POU6F2: variants seen among roughly 807,000 people sequenced by gnomAD.
POU6F2 encodes POU class 6 homeobox 2, also known as POU domain, class 6, transcription factor 2.
A neutral mutation model predicts 71.3 loss-of-function variants in POU6F2; 31 were observed. That is an observed-to-expected ratio of 0.43 (90% confidence interval 0.33 to 0.59). The LOEUF (loss-of-function observed/expected upper bound fraction) is 0.59, where lower values mean the gene tolerates loss of function less well. Ranked by LOEUF, POU6F2 falls within the 20% of genes least tolerant of loss-of-function variation. The pLI, the probability that POU6F2 is intolerant of heterozygous loss-of-function variation, is 0.04. For synonymous variants in POU6F2, 347 were observed against 355.7 expected (o/e 0.98, Z 0.27); for missense variants, 783 against 856.8 (o/e 0.91, Z 1.07).
At chr7:39,315,241 C>A (rs1449218230) in intron 4 of POU6F2, among the ~76,000 whole-genome samples, 1 of 152,154 alleles carries the variant, frequency 6.6e-6, no homozygotes, top group Non-Finnish European at 1.5e-5. Flanking sequence ...TTTTAAACAT[C>A]TCCTTAACAT....
intron 7 of POU6F2, among the ~76,000 whole-genome samples, chr7:39,447,406 A>G (rs2299125): frequency 1.3e-5 from 2 of 152,062 alleles, no homozygotes; most frequent in East Asian, 3.9e-4. Flanking sequence ...TGGAGTTGAG[A>G]GGCAGCGGGG....
At chr7:39,047,729 G>C (rs1274951802) in intron 1 of POU6F2, among the ~76,000 whole-genome samples, 1 of 151,824 alleles carries the variant, frequency 6.6e-6, no homozygotes, top group East Asian at 1.9e-4. Context: ...AATTCTGTTT[G>C]ATTCCATTTA....
At chr7:39,302,721 C>T (rs1431059548) in intron 4 of POU6F2, among the ~76,000 whole-genome samples, 1 of 152,198 alleles carries the variant, frequency 6.6e-6, no homozygotes, top group Non-Finnish European at 1.5e-5. Flanking sequence ...AAGCAATATG[C>T]GTAACCACAT....
At chr7:39,087,289 T>C (rs900895580) in intron 2 of POU6F2, among the ~76,000 whole-genome samples, 1 of 151,918 alleles carries the variant, frequency 6.6e-6, no homozygotes, top group Non-Finnish European at 1.5e-5. Context: ...TTTAAATGCT[T>C]ACTCAATCAA....
chr7:39,061,006 A>G (rs1790644972), intron 1 of POU6F2, among the ~76,000 whole-genome samples: 1 of 152,120 alleles, frequency 6.6e-6, no homozygotes, highest in Non-Finnish European at 1.5e-5. Flanking sequence ...TACATGGGTA[A>G]TATCTATTGA....
intron 7 of POU6F2, among the ~76,000 whole-genome samples, chr7:39,447,696 G>A (rs1788557064): frequency 6.6e-6 from 1 of 152,084 alleles, no homozygotes; most frequent in Admixed American, 6.6e-5. Context: ...AAGCATCTAA[G>A]TTTCCCTTTC....
chr7:39,021,242 ATTTTC>A (rs1376253683), intron 1 of POU6F2, among the ~76,000 whole-genome samples: 1 of 151,550 alleles, frequency 6.6e-6, no homozygotes, highest in Non-Finnish European at 1.5e-5. Context: ...TTATGTGGTT[ATTTTC>A]TTTCCTTTGC....
intron 6 of POU6F2, among the ~76,000 whole-genome samples, chr7:39,414,712 G>GC (rs3216235): frequency 0.48 from 53,454 of 112,158 alleles, 9,879 homozygotes; most frequent in East Asian, 0.69. Flanking sequence ...CTTCTACCCC[G>GC]CCCCCCCACC....
intron 7 of POU6F2, among the ~76,000 whole-genome samples, chr7:39,442,673 C>G (rs986354805): frequency 2.4e-4 from 37 of 152,308 alleles, no homozygotes; most frequent in African/African-American, 8.7e-4. Flanking sequence ...CTTTCATTGG[C>G]CTTTTAAACC....
At chr7:39,093,099 T>A (rs1791388029) in intron 2 of POU6F2, among the ~76,000 whole-genome samples, 1 of 152,072 alleles carries the variant, frequency 6.6e-6, no homozygotes, top group African/African-American at 2.4e-5. Flanking sequence ...CTTAAGTGAT[T>A]TTAAGGTCTT....
At chr7:39,197,702 TA>T (rs1793816109) in intron 2 of POU6F2, among the ~76,000 whole-genome samples, 1 of 152,186 alleles carries the variant, frequency 6.6e-6, no homozygotes, top group South Asian at 2.1e-4. Flanking sequence ...TTCTTAGACT[TA>T]AAAAGGCATT....
At chr7:39,371,684 C>T (rs575010311) in intron 5 of POU6F2, among the ~76,000 whole-genome samples, 3 of 152,320 alleles carry the variant, frequency 2.0e-5, no homozygotes, top group East Asian at 3.9e-4. Context: ...TCATGCTGGA[C>T]ACACTGTGGT....
At chr7:39,178,175 AC>A (rs757313379) in intron 2 of POU6F2, among the ~76,000 whole-genome samples, 31 of 152,046 alleles carry the variant, frequency 2.0e-4, no homozygotes, top group Non-Finnish European at 4.0e-4. Context: ...AATTGCTTGA[AC>A]TCAGGTGGCA....
chr7:39,047,439 T>C (rs554234564), intron 1 of POU6F2, among the ~76,000 whole-genome samples: 31 of 152,070 alleles, frequency 2.0e-4, no homozygotes, highest in African/African-American at 7.2e-4. Context: ...CTTTGTTAGA[T>C]TCATCATTAG....
chr7:39,022,611 T>C (rs912922074), intron 1 of POU6F2, among the ~76,000 whole-genome samples: 7 of 152,148 alleles, frequency 4.6e-5, no homozygotes, highest in African/African-American at 1.7e-4. Context: ...AGTGGAATCA[T>C]GCAATATATA....
At chr7:39,202,417 A>G (rs938877038) in intron 2 of POU6F2, among the ~76,000 whole-genome samples, 1 of 152,252 alleles carries the variant, frequency 6.6e-6, no homozygotes, top group African/African-American at 2.4e-5. Context: ...ATAGTCTGGT[A>G]TAAAAACCCA....
At chr7:39,420,185 C>A (rs1787820162) in intron 6 of POU6F2, among the ~76,000 whole-genome samples, 1 of 152,118 alleles carries the variant, frequency 6.6e-6, no homozygotes, top group African/African-American at 2.4e-5. Flanking sequence ...GATTTTCTTG[C>A]AAGTTTAGAA....
At chr7:39,013,457 C>G (rs1789382329) in intron 1 of POU6F2, 1 of 160,068 alleles carries the variant, frequency 6.2e-6, no homozygotes. Context: ...AACCCGGTAC[C>G]TCAGATGGAA....
intron 1 of POU6F2, among the ~76,000 whole-genome samples, chr7:38,982,501 A>C (rs2116591943): frequency 6.6e-6 from 1 of 152,236 alleles, no homozygotes; most frequent in South Asian, 2.1e-4. Context: ...TTAATATTTC[A>C]TTCATACTTA....
Sources: gnomAD v4.1 joint callset for allele counts (sites outside exome capture counted in the v4.1 genomes callset) on GRCh38, gnomAD v4.1.1 for gene constraint, MANE v1.5 for transcripts, NCBI Gene and HGNC (gene_info 2026-07-23, HGNC 2026-07-21) for gene names.